ZFP64: variants seen among roughly 807,000 people sequenced by gnomAD.
The protein encoded by ZFP64 is zinc finger protein 64.
ZFP64 carries 14 observed loss-of-function variants against 51.6 expected under a neutral mutation model. That is an observed-to-expected ratio of 0.27 (90% CI 0.18 to 0.42). The LOEUF (loss-of-function observed/expected upper bound fraction) is 0.42, where lower values mean the gene tolerates loss of function less well. ZFP64 is among the 10% of genes least tolerant of loss of function. The pLI, the probability that ZFP64 is intolerant of heterozygous loss-of-function variation, is 1.00. For missense variants in ZFP64, 754 were observed against 906.8 expected (o/e 0.83, Z 2.16); for synonymous variants, 375 against 361.4 (o/e 1.04, Z -0.43).
intron 5 of ZFP64, among the ~76,000 whole-genome samples, chr20:52,098,916 C>T (rs574076373): frequency 4.7e-5 from 7 of 149,576 alleles, no homozygotes; most frequent in East Asian, 2.0e-4. Context: ...GCAGGAGAAT[C>T]GCTGGAACCT....
chr20:52,186,348 A>T (rs1983959810), intron 2 of ZFP64, among the ~76,000 whole-genome samples: 1 of 152,192 alleles, frequency 6.6e-6, no homozygotes, highest in Non-Finnish European at 1.5e-5. Context: ...ATGAGTGTAC[A>T]CAACAGAGAA....
At chr20:52,182,138 T>C (rs1049297347) in intron 2 of ZFP64, among the ~76,000 whole-genome samples, 22 of 152,228 alleles carry the variant, frequency 1.4e-4, no homozygotes, top group Admixed American at 1.4e-3. Flanking sequence ...TGATTAGGTA[T>C]TATAACCTCT....
intron 8 of ZFP64, among the ~76,000 whole-genome samples, chr20:52,086,159 G>A (rs2122689317): frequency 6.6e-6 from 1 of 152,274 alleles, no homozygotes. Flanking sequence ...TCTGTCTGGT[G>A]AATTCTTATA....
At chr20:52,147,632 A>C (rs2122934007), downstream of ZFP64, among the ~76,000 whole-genome samples, 1 of 152,330 alleles carries the variant, frequency 6.6e-6, no homozygotes, top group East Asian at 1.9e-4. Context: ...TCTTTAATAT[A>C]GACAAATATA....
At chr20:52,139,244 G>A (rs1172232786) in intron 5 of ZFP64, among the ~76,000 whole-genome samples, 1 of 152,110 alleles carries the variant, frequency 6.6e-6, no homozygotes, top group Non-Finnish European at 1.5e-5. Context: ...ATAGCAACAT[G>A]GAATCAACCT....
intron 4 of ZFP64, 66 bp downstream of exon 4, chr20:52,164,629 G>A: frequency 2.2e-6 from 3 of 1,357,028 alleles, no homozygotes; most frequent in African/African-American, 1.4e-5. Context: ...TCTGACCTAT[G>A]TGGATCCCCA....
At chr20:52,171,922 A>G (rs1337647200) in intron 2 of ZFP64, among the ~76,000 whole-genome samples, 1 of 151,222 alleles carries the variant, frequency 6.6e-6, no homozygotes, top group Non-Finnish European at 1.5e-5. Context: ...TAGTTTTTGT[A>G]TTTTTAGTAG....
intron 5 of ZFP64, chr20:52,110,756 A>C: frequency 6.3e-7 from 1 of 1,598,662 alleles, no homozygotes; most frequent in South Asian, 1.1e-5. Context: ...GGGTTCTCAA[A>C]GTCCCCCTCC....
At chr20:52,136,762 G>T (rs1980002146) in intron 5 of ZFP64, among the ~76,000 whole-genome samples, 1 of 152,028 alleles carries the variant, frequency 6.6e-6, no homozygotes, top group African/African-American at 2.4e-5. Flanking sequence ...TTGGTCAAAA[G>T]TTCCTAATTA....
intron 5 of ZFP64, among the ~76,000 whole-genome samples, chr20:52,124,418 A>AT (rs986717980): frequency 6.6e-5 from 10 of 152,006 alleles, no homozygotes; most frequent in Admixed American, 3.3e-4. Context: ...AAATCTTTGA[A>AT]TTTTTTTTAC....
chr20:52,105,164 G>T, intron 5 of ZFP64: 2 of 1,450,984 alleles, frequency 1.4e-6, no homozygotes, highest in Non-Finnish European at 1.8e-6. Flanking sequence ...GGCCACCTCC[G>T]CACACTCCCG....
intron 5 of ZFP64, among the ~76,000 whole-genome samples, chr20:52,158,835 C>T (rs1426653486): frequency 6.6e-6 from 1 of 152,218 alleles, no homozygotes; most frequent in Non-Finnish European, 1.5e-5. Flanking sequence ...CAGGATGAAA[C>T]ATGTGACTTG....
intron 5 of ZFP64, among the ~76,000 whole-genome samples, chr20:52,103,470 G>A (rs991587651): frequency 6.6e-6 from 1 of 152,188 alleles, no homozygotes; most frequent in Non-Finnish European, 1.5e-5. Context: ...TGGGCCGGCA[G>A]AGTTTGCGTC....
intron 2 of ZFP64, among the ~76,000 whole-genome samples, chr20:52,173,579 C>T (rs532211741): frequency 2.0e-5 from 3 of 152,228 alleles, no homozygotes; most frequent in Non-Finnish European, 2.9e-5. Flanking sequence ...CAGAGCAAGA[C>T]CGTCTCTAGA....
At chr20:52,138,209 A>G (rs915206989) in intron 5 of ZFP64, among the ~76,000 whole-genome samples, 1 of 152,012 alleles carries the variant, frequency 6.6e-6, no homozygotes, top group African/African-American at 2.4e-5. Context: ...TCTCAAAAAA[A>G]CAACACACAA....
downstream of ZFP64, among the ~76,000 whole-genome samples, chr20:52,147,760 A>G (rs189540784): frequency 6.6e-6 from 1 of 152,314 alleles, no homozygotes; most frequent in Admixed American, 6.5e-5. Flanking sequence ...CACACCTGTA[A>G]TCCCAGCACT....
intron 5 of ZFP64, among the ~76,000 whole-genome samples, chr20:52,124,570 T>G (rs1025266002): frequency 1.3e-5 from 2 of 152,112 alleles, no homozygotes; most frequent in Non-Finnish European, 2.9e-5. Context: ...TGTTTGACAC[T>G]TTTTACAAAA....
Position 52,133,889 on chromosome 20 carries a change from C to T in ZFP64, c.763+26234G>A, listed in dbSNP as rs140928351. On this transcript the variant is annotated intron_variant, in intron 5 of 8. Transcript: ENST00000361387. The stretch of plus-strand genomic sequence containing the variant: ...ACAAAAAATACAAAAATTAGCTGGG[C>T]ATGGTGGTGCATGCCTGTGAACCCA... Among the ~76,000 whole-genome samples, 565 of 151,882 alleles carry T rather than the reference C, an allele frequency of 3.7e-3. 3 individuals carry two copies. Among genetic ancestry groups the T allele is most frequent in the African/African-American group, 0.012 (508 of 41,412 alleles).
At chr20:52,183,744 TC>T (rs1983773257) in intron 2 of ZFP64, among the ~76,000 whole-genome samples, 1 of 152,138 alleles carries the variant, frequency 6.6e-6, no homozygotes, top group Non-Finnish European at 1.5e-5. Context: ...TTTAAAAAAC[TC>T]AGTAGAAACA....
Sources: gnomAD v4.1 joint callset for allele counts (sites outside exome capture counted in the v4.1 genomes callset) on GRCh38, gnomAD v4.1.1 for gene constraint, MANE v1.5 for transcripts, NCBI Gene and HGNC (gene_info 2026-07-23, HGNC 2026-07-21) for gene names.